CCBE1: variants seen among roughly 807,000 people sequenced by gnomAD.
CCBE1 encodes the protein collagen and calcium binding EGF domains 1, also known as collagen and calcium-binding EGF domain-containing protein 1.
CCBE1 carries 37 observed loss-of-function variants against 50.0 expected under a neutral mutation model. The observed-to-expected ratio is 0.74, with a 90% CI of 0.57 to 0.97. The LOEUF (loss-of-function observed/expected upper bound fraction) is 0.97. Ranked by LOEUF, CCBE1 falls within the 50% of genes least tolerant of loss-of-function variation. The pLI is 0.00. For synonymous variants in CCBE1, 234 were observed against 203.7 expected, an observed-to-expected ratio of 1.15 and a Z score of -1.27; for missense variants, 538 against 523.8, an observed-to-expected ratio of 1.03 and a Z score of -0.26.
At chr18:59,467,245 G>T (rs2143723363) in intron 4 of CCBE1, among the ~76,000 whole-genome samples, 1 of 152,276 alleles carries the variant, frequency 6.6e-6, no homozygotes, top group Middle Eastern at 3.4e-3. Flanking sequence ...ATGACAATGA[G>T]ATCACCAGTG....
intron 2 of CCBE1, among the ~76,000 whole-genome samples, chr18:59,667,307 A>T (rs141319017): frequency 2.0e-4 from 31 of 152,292 alleles, no homozygotes; most frequent in African/African-American, 7.2e-4. Flanking sequence ...TACAGGGTAC[A>T]TTTTTCTATT....
chr18:59,500,016 C>G (rs1789478), intron 2 of CCBE1, among the ~76,000 whole-genome samples: 5,496 of 152,266 alleles, frequency 0.036, 328 homozygotes, highest in African/African-American at 0.12. Flanking sequence ...TCAGGGTCCA[C>G]TTCTGGAAGA....
intron 2 of CCBE1, among the ~76,000 whole-genome samples, chr18:59,636,708 T>C (rs539684642): frequency 4.6e-4 from 70 of 152,318 alleles, no homozygotes; most frequent in Non-Finnish European, 9.4e-4. Flanking sequence ...CTTCACAACA[T>C]GCTTTGGACA....
intron 2 of CCBE1, among the ~76,000 whole-genome samples, chr18:59,691,085 C>T (rs1441624474): frequency 6.6e-6 from 1 of 152,242 alleles, no homozygotes; most frequent in African/African-American, 2.4e-5. Context: ...AAATAAAGCA[C>T]ATTTGGATAG....
At chr18:59,630,097 C>T (rs916092961) in intron 2 of CCBE1, among the ~76,000 whole-genome samples, 1 of 152,164 alleles carries the variant, frequency 6.6e-6, no homozygotes, top group African/African-American at 2.4e-5. Flanking sequence ...GTTTTCCAGG[C>T]CCCCTGGGGA....
intron 2 of CCBE1, among the ~76,000 whole-genome samples, chr18:59,521,039 T>C (rs1271962106): frequency 6.6e-6 from 1 of 152,258 alleles, no homozygotes; most frequent in Non-Finnish European, 1.5e-5. Context: ...AGTTACTTAA[T>C]CCATCTGTCC....
chr18:59,441,438 T>C (rs938301939), intron 7 of CCBE1, among the ~76,000 whole-genome samples: 1 of 150,796 alleles, frequency 6.6e-6, no homozygotes, highest in Non-Finnish European at 1.5e-5. Context: ...GAGCTGAGAT[T>C]GTACCACTGC....
At chr18:59,687,684 T>A (rs569048538) in intron 2 of CCBE1, among the ~76,000 whole-genome samples, 1 of 152,330 alleles carries the variant, frequency 6.6e-6, no homozygotes, top group East Asian at 1.9e-4. Flanking sequence ...AAGTTTAGGC[T>A]GGGTTCAAGT....
intron 2 of CCBE1, among the ~76,000 whole-genome samples, chr18:59,536,990 C>CAAA (rs34336757): frequency 0.24 from 21,608 of 91,276 alleles, 2,091 homozygotes; most frequent in Non-Finnish European, 0.3. Flanking sequence ...GACTCTGTCT[C>CAAA]AAAAAAAAAA....
chr18:59,459,952 C>T (rs1302171904), intron 5 of CCBE1, among the ~76,000 whole-genome samples: 1 of 152,158 alleles, frequency 6.6e-6, no homozygotes, highest in Admixed American at 6.5e-5. Context: ...CTGACACTGA[C>T]CTGTAATAAG....
intron 2 of CCBE1, among the ~76,000 whole-genome samples, chr18:59,662,800 G>C (rs2054302199): frequency 6.6e-6 from 1 of 152,260 alleles, no homozygotes; most frequent in South Asian, 2.1e-4. Context: ...TACATAAAAA[G>C]GTGCTTTATA....
At chr18:59,597,378 G>C (rs1599047759) in intron 2 of CCBE1, among the ~76,000 whole-genome samples, 1 of 152,190 alleles carries the variant, frequency 6.6e-6, no homozygotes, top group Non-Finnish European at 1.5e-5. Context: ...TAAGAATAAG[G>C]CATGAGCAAG....
intron 2 of CCBE1, among the ~76,000 whole-genome samples, chr18:59,681,962 G>C (rs2144731482): frequency 6.6e-6 from 1 of 152,320 alleles, no homozygotes; most frequent in Admixed American, 6.5e-5. Flanking sequence ...GTCAGACCTG[G>C]AAGGAACTCA....
chr18:59,648,911 C>A (rs949205513), intron 2 of CCBE1, among the ~76,000 whole-genome samples: 1 of 152,132 alleles, frequency 6.6e-6, no homozygotes, highest in Non-Finnish European at 1.5e-5. Flanking sequence ...TCAGAGATGC[C>A]CAGGTTAGAG....
Position 59,595,959 on chromosome 18 carries a change from T to C in CCBE1, c.212+100670A>G, listed in dbSNP as rs1599046364. 2.0e-5 allele frequency among the ~76,000 whole-genome samples: 3 copies of C among 152,338 alleles called. No individual in the cohort carries two copies. The East Asian group carries it at 5.8e-4, about 29-fold the overall frequency. On this transcript the variant is annotated intron_variant, in intron 2 of 10. Transcript: ENST00000439986. ...ATGATGTGCAGACTTCTTGAAAATG[T>C]CCATTTTTAAAAATCTACATTTTTA...
At chr18:59,566,907 C>T (rs970236840) in intron 2 of CCBE1, among the ~76,000 whole-genome samples, 14 of 152,140 alleles carry the variant, frequency 9.2e-5, no homozygotes, top group Admixed American at 2.0e-4. Flanking sequence ...TGATGAAAGT[C>T]GGGGTGAAAT....
intron 2 of CCBE1, among the ~76,000 whole-genome samples, chr18:59,485,626 T>TTTA (rs1912784413): frequency 3.1e-5 from 2 of 64,680 alleles, no homozygotes; most frequent in East Asian, 3.7e-4. Context: ...TTATTTATTT[T>TTTA]TTGAGATGGA....
chr18:59,623,521 G>A (rs1165451515), intron 2 of CCBE1, among the ~76,000 whole-genome samples: 1 of 152,180 alleles, frequency 6.6e-6, no homozygotes, highest in Non-Finnish European at 1.5e-5. Flanking sequence ...GCAAAGTCTG[G>A]ACAAGGATAG....
At position 59,569,278 on chromosome 18, in the gene CCBE1, T is replaced by G. The variant is rs117420226; in HGVS notation, c.213-89040A>C. On this transcript the variant is annotated intron_variant, in intron 2 of 10. Transcript: ENST00000439986. ...CAGCTTGCCAGAAACCGAAGACTCCTTCTAAATCTGTTGCTTCACCTGATG... is the reference window on the plus strand; with the variant it reads ...CAGCTTGCCAGAAACCGAAGACTCCGTCTAAATCTGTTGCTTCACCTGATG... 2.0e-3 allele frequency among the ~76,000 whole-genome samples: 298 copies of G among 152,336 alleles called. 4 individuals are homozygous for G. In the East Asian group the frequency reaches 0.03, roughly 15 times the overall value.
Sources: gnomAD v4.1 joint callset for allele counts (sites outside exome capture counted in the v4.1 genomes callset) on GRCh38, gnomAD v4.1.1 for gene constraint, MANE v1.5 for transcripts, NCBI Gene and HGNC (gene_info 2026-07-23, HGNC 2026-07-21) for gene names.